Variants in CCDC171 observed in about 807,000 individuals in gnomAD.
The protein encoded by CCDC171 is coiled-coil domain-containing protein 171.
Under a neutral mutation model 168.2 loss-of-function variants are expected in CCDC171, and 177 were observed. That is an observed-to-expected ratio of 1.05 (90% CI 0.93 to 1.19). CCDC171 has a LOEUF of 1.19. CCDC171 is among the 50% of genes most tolerant of loss of function. CCDC171 has a pLI of 0.00. For synonymous variants in CCDC171, 687 were observed against 540.8 expected, an observed-to-expected ratio of 1.27 and a Z score of -3.75; for missense variants, 1,991 against 1,539.0, an observed-to-expected ratio of 1.29 and a Z score of -4.91.
chr9:16,067,894 T>A, the CCDC171 span, among the ~76,000 whole-genome samples: 1 of 152,152 alleles, frequency 6.6e-6, no homozygotes, highest in Non-Finnish European at 1.5e-5. Flanking sequence ...AGTCAGGTAG[T>A]GTGATGCCTC....
chr9:16,106,673 G>C, the CCDC171 span, among the ~76,000 whole-genome samples: 1 of 152,166 alleles, frequency 6.6e-6, no homozygotes, highest in Admixed American at 6.5e-5. Flanking sequence ...GCCTAACAAG[G>C]GATTGTTATT....
intron 18 of CCDC171, among the ~76,000 whole-genome samples, chr9:15,773,766 C>G (rs1219336531): frequency 1.3e-5 from 2 of 151,192 alleles, no homozygotes; most frequent in African/African-American, 4.9e-5. Context: ...AAAAGAAATG[C>G]AAGAAAAACA....
At chr9:16,050,486 A>G (rs979591953) in intron 1 of CCDC171, among the ~76,000 whole-genome samples, 2 of 152,166 alleles carry the variant, frequency 1.3e-5, no homozygotes, top group African/African-American at 4.8e-5. Flanking sequence ...TCTCCTGGCA[A>G]ATTATTTAAT....
At chr9:15,721,612 A>G (rs2053482304) in intron 11 of CCDC171, among the ~76,000 whole-genome samples, 157 bp from the exon 12 acceptor site, 3 of 142,300 alleles carry the variant, frequency 2.1e-5, no homozygotes. Flanking sequence ...TCTATTCAAG[A>G]ATTTTATTCT....
chr9:15,709,239 G>A (rs1011818138), intron 11 of CCDC171, among the ~76,000 whole-genome samples: 1 of 152,032 alleles, frequency 6.6e-6, no homozygotes, highest in African/African-American at 2.4e-5. Flanking sequence ...AAGATTAACA[G>A]GTAAAAGAAT....
At chr9:15,567,247 C>G (rs1488596860) in intron 2 of CCDC171, among the ~76,000 whole-genome samples, 1 of 152,134 alleles carries the variant, frequency 6.6e-6, no homozygotes, top group Non-Finnish European at 1.5e-5. Flanking sequence ...GTCTTGAACT[C>G]CTGACCTTGT....
At chr9:15,553,453 C>A (rs962506445) in intron 1 of CCDC171, 151 bp downstream of exon 1, 2 of 152,248 alleles carry the variant, frequency 1.3e-5, no homozygotes, top group African/African-American at 4.8e-5. Context: ...TGGGTCTCCC[C>A]GCCCACCTGG....
At chr9:15,803,649 G>A (rs1463624103) in intron 21 of CCDC171, among the ~76,000 whole-genome samples, 1 of 152,068 alleles carries the variant, frequency 6.6e-6, no homozygotes, top group East Asian at 1.9e-4. Flanking sequence ...GTACCATGCT[G>A]TTTTGATTAC....
chr9:15,740,219 A>T (rs560693629), intron 16 of CCDC171, among the ~76,000 whole-genome samples: 7 of 152,238 alleles, frequency 4.6e-5, no homozygotes, highest in Admixed American at 6.5e-5. Flanking sequence ...TTACTTATGT[A>T]TAAAATGTCA....
At chr9:15,744,883 C>A in intron 17 of CCDC171, 106 bp downstream of exon 17, 4 of 1,013,254 alleles carry the variant, frequency 3.9e-6, no homozygotes, top group Non-Finnish European at 5.6e-6. Flanking sequence ...TGTAATATGC[C>A]AAATAATATA....
chr9:15,930,309 T>C (rs1403695157), intron 25 of CCDC171, among the ~76,000 whole-genome samples: 11 of 151,574 alleles, frequency 7.3e-5, no homozygotes, highest in Admixed American at 5.9e-4. Flanking sequence ...TTAATGAAAA[T>C]GAGTAGAATA....
chr9:15,571,796 T>C, intron 3 of CCDC171, 37 bp downstream of exon 3: 1 of 1,540,894 alleles, frequency 6.5e-7, no homozygotes, highest in Non-Finnish European at 8.7e-7. Context: ...TGTTAAAAGT[T>C]GAGTTTGATT....
the CCDC171 span, among the ~76,000 whole-genome samples, chr9:16,071,297 T>C: frequency 6.6e-6 from 1 of 152,200 alleles, no homozygotes; most frequent in Admixed American, 6.5e-5. Context: ...CTCCTGTGAT[T>C]GCCAGCATTG....
At chr9:15,734,765 A>C (rs1383876489) in intron 16 of CCDC171, among the ~76,000 whole-genome samples, 1 of 152,160 alleles carries the variant, frequency 6.6e-6, no homozygotes, top group Non-Finnish European at 1.5e-5. Context: ...AGTGCAATGC[A>C]AATAAAAAAT....
At chr9:15,950,613 C>T (rs1204469861) in intron 25 of CCDC171, among the ~76,000 whole-genome samples, 2 of 151,678 alleles carry the variant, frequency 1.3e-5, no homozygotes, top group Non-Finnish European at 2.9e-5. Context: ...TAAAAGAGCT[C>T]CTGAAGGAAG....
chr9:15,634,911 C>A (rs1403808855), intron 7 of CCDC171, among the ~76,000 whole-genome samples: 1 of 152,274 alleles, frequency 6.6e-6, no homozygotes, highest in South Asian at 2.1e-4. Context: ...TCTTTTCTGA[C>A]TGACTTCTTT....
chr9:15,868,005 G>A (rs1232692515), intron 23 of CCDC171, among the ~76,000 whole-genome samples: 2 of 152,000 alleles, frequency 1.3e-5, no homozygotes, highest in African/African-American at 4.8e-5. Flanking sequence ...AATTTGATTT[G>A]AATAGTCAGT....
chr9:15,726,042 C>G (rs955911799), intron 14 of CCDC171, among the ~76,000 whole-genome samples: 2 of 152,138 alleles, frequency 1.3e-5, no homozygotes, highest in Admixed American at 1.3e-4. Flanking sequence ...ACTGGTTTAT[C>G]TAAGTCATCC....
chr9:15,776,647 C>T (rs1175059254), intron 18 of CCDC171, among the ~76,000 whole-genome samples: 1 of 152,202 alleles, frequency 6.6e-6, no homozygotes, highest in Non-Finnish European at 1.5e-5. Flanking sequence ...ACAGTGTCTC[C>T]ATGAGACAGT....
Sources: allele counts gnomAD v4.1 joint callset (sites outside exome capture counted in the v4.1 genomes callset), GRCh38; gene constraint gnomAD v4.1.1; transcripts MANE v1.5; gene names NCBI Gene and HGNC (gene_info 2026-07-23, HGNC 2026-07-21).